Variants in MYZAP observed in about 807,000 individuals in gnomAD.
MYZAP encodes myocardial zonula adherens protein, also known as GRINL1A complex locus upstream.
A neutral mutation model predicts 69.4 loss-of-function variants in MYZAP; 66 were observed. That is an observed-to-expected ratio of 0.95 (90% CI 0.78 to 1.17). MYZAP has a LOEUF of 1.17. MYZAP is among the 50% of genes most tolerant of loss of function. The probability of loss-of-function intolerance (pLI) is 0.00; values close to 1 mark genes in which losing one functional copy is unlikely to be tolerated. For missense variants in MYZAP, 611 were observed against 556.2 expected, an observed-to-expected ratio of 1.10 and a Z score of -0.99; for synonymous variants, 256 against 205.9, an observed-to-expected ratio of 1.24 and a Z score of -2.09.
At chr15:57,617,728 C>G (rs1271094159) in intron 2 of MYZAP, among the ~76,000 whole-genome samples, 11 of 152,198 alleles carry the variant, frequency 7.2e-5, no homozygotes, top group Non-Finnish European at 1.5e-4. Context: ...CAAATGCTTG[C>G]TCTTCTTACT....
intron 2 of MYZAP, among the ~76,000 whole-genome samples, chr15:57,611,775 C>T (rs2035119825): frequency 6.6e-6 from 1 of 152,106 alleles, no homozygotes; most frequent in Admixed American, 6.5e-5. Context: ...GTCATCCAGG[C>T]TGGAAAGCAG....
At position 57,684,406 on chromosome 15, in the gene MYZAP, A is replaced by ATT. The variant is rs755520374; in HGVS notation, c.1309_1310insTT (p.Thr437IlefsTer9). 2 of 1,611,868 alleles carry ATT rather than the reference A, an allele frequency of 1.2e-6. No individual in the cohort carries two copies. Among genetic ancestry groups the ATT allele is most frequent in the Non-Finnish European group, 8.5e-7 (1 of 1,178,664 alleles). On this transcript the variant is annotated frameshift_variant, in exon 13 of 13. Transcript: ENST00000267853. LOFTEE classifies it high-confidence loss of function. ...CTGCATTTTCTCATTTCTCAGCCAAACAGGCAGGACTCGTGAAATTGTGAT... is the reference window on the plus strand; with the variant it reads ...CTGCATTTTCTCATTTCTCAGCCAAATTCAGGCAGGACTCGTGAAATTGTGAT...
chr15:57,610,780 T>C (rs1283778453), intron 2 of MYZAP, among the ~76,000 whole-genome samples: 3 of 152,180 alleles, frequency 2.0e-5, no homozygotes, highest in Non-Finnish European at 2.9e-5. Flanking sequence ...CTCTTCACCC[T>C]ACAACCTTGT....
At chr15:57,651,048 G>A (rs761446328) in intron 10 of MYZAP, among the ~76,000 whole-genome samples, 11 of 152,332 alleles carry the variant, frequency 7.2e-5, no homozygotes, top group Middle Eastern at 3.4e-3. Flanking sequence ...GAGCTCCAGA[G>A]TGGTGGCTCT....
At chr15:57,650,672 T>C (rs1204197320) in intron 10 of MYZAP, among the ~76,000 whole-genome samples, 1 of 152,196 alleles carries the variant, frequency 6.6e-6, no homozygotes, top group African/African-American at 2.4e-5. Flanking sequence ...TGATGTGTGC[T>C]AAATGCTTAG....
intron 10 of MYZAP, among the ~76,000 whole-genome samples, chr15:57,653,677 T>A (rs1284617248): frequency 6.6e-6 from 1 of 151,876 alleles, no homozygotes; most frequent in Admixed American, 6.6e-5. Flanking sequence ...CTTTTATAGG[T>A]GTTTATGGAA....
At chr15:57,662,671 C>G (rs189192113) in intron 11 of MYZAP, among the ~76,000 whole-genome samples, 17 of 152,238 alleles carry the variant, frequency 1.1e-4, no homozygotes, top group South Asian at 6.2e-4. Context: ...AAAGGGACAC[C>G]CTCTGAGTTA....
At chr15:57,652,903 A>G (rs2037800060) in intron 10 of MYZAP, among the ~76,000 whole-genome samples, 1 of 152,242 alleles carries the variant, frequency 6.6e-6, no homozygotes, top group Non-Finnish European at 1.5e-5. Context: ...GTAAGAACTC[A>G]CAATAAAGTA....
Position 57,651,416 on chromosome 15 carries a change from A to G in MYZAP, c.1120-10034A>G, listed in dbSNP as rs2037720734. Among the ~76,000 whole-genome samples the G allele has an allele frequency of 2.0e-5, 3 of 152,204 alleles. No homozygotes were observed. The South Asian group carries it at 6.2e-4, about 32-fold the overall frequency. On this transcript the variant is annotated intron_variant, in intron 10 of 12. Transcript: ENST00000267853. ...TGAATCATAGAGGGAAAAAAAGGAC[A>G]GCCTAAAGAATTAGGGCCCCAGCAG...
chr15:57,670,886 C>T (rs1219569164), intron 11 of MYZAP, among the ~76,000 whole-genome samples: 3 of 151,916 alleles, frequency 2.0e-5, no homozygotes, highest in East Asian at 1.9e-4. Context: ...CCATGATATA[C>T]GTTCATTTAC....
intron 3 of MYZAP, among the ~76,000 whole-genome samples, chr15:57,619,308 T>C (rs140739435): frequency 0.015 from 2,251 of 152,312 alleles, 30 homozygotes; most frequent in South Asian, 0.045. Context: ...CCACCAACCT[T>C]AAACTCCTAG....
At chr15:57,595,535 G>C (rs1008920470) in intron 1 of MYZAP, among the ~76,000 whole-genome samples, 2 of 151,974 alleles carry the variant, frequency 1.3e-5, no homozygotes, top group East Asian at 3.9e-4. Flanking sequence ...TGTGCTTTGC[G>C]GGGAAGGCAT....
chr15:57,594,135 A>G (rs2033901593), intron 1 of MYZAP, among the ~76,000 whole-genome samples: 1 of 152,174 alleles, frequency 6.6e-6, no homozygotes, highest in Non-Finnish European at 1.5e-5. Flanking sequence ...TGTTTTTTTG[A>G]GATGGAGTCT....
At chr15:57,613,780 A>G (rs964358208) in intron 2 of MYZAP, among the ~76,000 whole-genome samples, 1 of 152,220 alleles carries the variant, frequency 6.6e-6, no homozygotes, top group Non-Finnish European at 1.5e-5. Flanking sequence ...ACCTCAATAC[A>G]TGGCCAATCC....
intron 2 of MYZAP, among the ~76,000 whole-genome samples, chr15:57,612,719 C>T (rs1304343330): frequency 6.6e-6 from 1 of 152,124 alleles, no homozygotes; most frequent in Non-Finnish European, 1.5e-5. Context: ...TTTTCTGTAG[C>T]TGCTCTTTCT....
At chr15:57,600,192 G>A (rs1266959225) in intron 1 of MYZAP, among the ~76,000 whole-genome samples, 2 of 152,182 alleles carry the variant, frequency 1.3e-5, no homozygotes, top group African/African-American at 4.8e-5. Flanking sequence ...GAAGATGTGT[G>A]ATTCTGTTCT....
intron 10 of MYZAP, chr15:57,647,380 G>C: frequency 7.1e-6 from 7 of 985,422 alleles, no homozygotes; most frequent in Non-Finnish European, 6.0e-6. Context: ...TGTTAGCTTA[G>C]TGTTGTTACC....
In MYZAP at chr15:57,629,810, C is replaced by G; in HGVS notation, c.634C>G (p.Gln212Glu). ...SMDKLREKQRQLEVAQVENQL... is the reference protein window; with the variant it reads ...SMDKLREKQRELEVAQVENQL... ...GGACAAGCTGAGGGAAAAGCAGAGG[C>G]AGTTGGAGGTAGCGCAAGTTGAAAA... Residue 212 changes from glutamine (Q) to glutamate (E), a missense_variant, in exon 6 of 13, where the codon CAG becomes GAG. By Grantham distance (29) the Gln-to-Glu change is conservative. Coordinates refer to ENST00000267853, the MANE Select transcript of MYZAP (RefSeq NM_001018100.5). 1 of 1,613,922 alleles carries G rather than the reference C, an allele frequency of 6.2e-7. No individual in the cohort carries two copies. Among genetic ancestry groups the G allele is most frequent in the Non-Finnish European group, 8.5e-7 (1 of 1,179,960 alleles).
intron 2 of MYZAP, among the ~76,000 whole-genome samples, chr15:57,615,442 G>T (rs140976495): frequency 3.3e-5 from 5 of 152,126 alleles, no homozygotes; most frequent in African/African-American, 1.2e-4. Context: ...TCCCTGCTCC[G>T]TGGCGGCTTC....
Sources: allele counts gnomAD v4.1 joint callset (sites outside exome capture counted in the v4.1 genomes callset), GRCh38; gene constraint gnomAD v4.1.1; transcripts MANE v1.5; gene names NCBI Gene and HGNC (gene_info 2026-07-23, HGNC 2026-07-21).